PECAM1: variants seen among roughly 807,000 people sequenced by gnomAD.
The protein encoded by PECAM1 is platelet endothelial cell adhesion molecule.
In PECAM1, 8 loss-of-function variants were observed where a neutral mutation model predicts 13.8. The ratio of observed to expected loss-of-function variants is 0.58; its 90% CI spans 0.34 to 1.05. The LOEUF (loss-of-function observed/expected upper bound fraction) is 1.05. Ranked by LOEUF, PECAM1 falls within the 50% of genes least tolerant of loss-of-function variation. PECAM1 has a pLI of 0.03. For synonymous variants in PECAM1, 136 were observed against 52.6 expected (o/e 2.58, Z -6.86); for missense variants, 304 against 141.2 (o/e 2.15, Z -5.84).
At chr17:64,368,253 T>C (rs2036156981) in intron 5 of PECAM1, among the ~76,000 whole-genome samples, 1 of 152,182 alleles carries the variant, frequency 6.6e-6, no homozygotes, top group South Asian at 2.1e-4. Context: ...AATGTTCCTG[T>C]TCTCAGCGGC....
chr17:64,337,696 G>C (rs2035317024), intron 14 of PECAM1, among the ~76,000 whole-genome samples: 1 of 152,062 alleles, frequency 6.6e-6, no homozygotes, highest in African/African-American at 2.4e-5. Flanking sequence ...GAGGGGTCAG[G>C]TTCCAACAGC....
intron 15 of PECAM1, 48 bp from the exon 16 acceptor site, chr17:64,323,893 T>G: frequency 3.8e-6 from 3 of 790,294 alleles, no homozygotes; most frequent in Non-Finnish European, 7.0e-6. Context: ...CTCTCAAGAT[T>G]GAAGATTGCC....
Position 64,323,693 on chromosome 17 carries a change from G to T in PECAM1, c.*123C>A. On this transcript the variant is annotated 3_prime_UTR_variant, in exon 16 of 16. Transcript: ENST00000563924. ...AACCGGCAGCTTAGCCTGAGGAATT[G>T]CTGTGTTCTGTGGGAGCAGGGCAGG... The T allele has an allele frequency of 6.5e-7, 1 of 1,548,156 alleles. No individual in the cohort carries two copies. The highest frequency in any genetic ancestry group is 8.7e-7 in the Non-Finnish European group (1 of 1,144,822).
At chr17:64,382,703 C>A (rs1195667704) in intron 2 of PECAM1, among the ~76,000 whole-genome samples, 3 of 151,594 alleles carry the variant, frequency 2.0e-5, no homozygotes, top group Admixed American at 2.0e-4. Flanking sequence ...GCTGTGTCTC[C>A]ACTACATGTT....
In PECAM1 at chr17:64,321,359, G is replaced by T; in HGVS notation, c.*2457C>A. On this transcript the variant is annotated 3_prime_UTR_variant, in exon 16 of 16. Coordinates refer to ENST00000563924, the MANE Select transcript of PECAM1 (RefSeq NM_000442.5). ...GAGGAAGGCTAAAGCCAGCGTCCTG[G>T]ATTCAGACAGACCTTTTAGCCATTA... 1.1e-6 allele frequency: 1 copy of T among 899,862 alleles called. No individual in the cohort carries two copies. The highest frequency in any genetic ancestry group is 5.1e-5 in the South Asian group (1 of 19,694). The allele number at this position is 899,862 out of a possible 1,614,324, so 55.7% of individuals were successfully genotyped here. A position where few individuals can be genotyped will look rare whatever the true frequency, so the allele number is the denominator to read the frequency against.
At position 64,385,138 on chromosome 17, in the gene PECAM1, T is replaced by G. The variant is rs1232296713; in HGVS notation, c.91+5351A>C. ...TACTGAACCCAAAAAGTTTCAGGAC[T>G]ATTGTGATGAAGGGTGGGGCTGTGG... On this transcript the variant is annotated intron_variant, in intron 2 of 15. Transcript: ENST00000563924. Among the ~76,000 whole-genome samples the G allele has an allele frequency of 7.2e-5, 11 of 152,310 alleles. No individual in the cohort carries two copies. In the East Asian group the frequency reaches 1.7e-3, roughly 24 times the overall value.
rs782728610 is a variant in PECAM1, at chr17:64,322,814, C to T, written c.*1002G>A. Reference sequence around the variant, plus strand: ...CACTACAACCTCCGTTTCCTGGGTTCAAGCGATAATCTCACCTCAGCCTCT... The same window carrying T: ...CACTACAACCTCCGTTTCCTGGGTTTAAGCGATAATCTCACCTCAGCCTCT... On this transcript the variant is annotated 3_prime_UTR_variant, in exon 16 of 16. Coordinates refer to ENST00000563924, the MANE Select transcript of PECAM1 (RefSeq NM_000442.5). 3.1e-5 allele frequency: 15 copies of T among 487,388 alleles called. No homozygotes were observed. The highest frequency in any genetic ancestry group is 3.5e-5 in the Non-Finnish European group (13 of 375,006). 30.2% of individuals were successfully genotyped at this position (487,388 alleles called of 1,614,324 possible). A position where few individuals can be genotyped will look rare whatever the true frequency, so the allele number is the denominator to read the frequency against.
At chr17:64,357,606 C>T (rs8076523) in intron 7 of PECAM1, among the ~76,000 whole-genome samples, 2,375 of 152,268 alleles carry the variant, frequency 0.016, 59 homozygotes, top group African/African-American at 0.053. Context: ...AGCCAAGCTC[C>T]GGGCCTGGGA....
At chr17:64,353,849 G>A (rs2035787373) in intron 9 of PECAM1, among the ~76,000 whole-genome samples, 1 of 151,756 alleles carries the variant, frequency 6.6e-6, no homozygotes, top group Non-Finnish European at 1.5e-5. Flanking sequence ...AGCCAGAAGT[G>A]ATTTTTGTTA....
chr17:64,335,899 T>C (rs1359575409), intron 14 of PECAM1, among the ~76,000 whole-genome samples: 2 of 152,112 alleles, frequency 1.3e-5, no homozygotes, highest in Non-Finnish European at 2.9e-5. Flanking sequence ...TGGAATAATA[T>C]CCAGAGGAAA....
chr17:64,341,566 C>T (rs2035431443), intron 14 of PECAM1, 68 bp downstream of exon 14: 4 of 416,734 alleles, frequency 9.6e-6, no homozygotes, highest in South Asian at 1.2e-4. Flanking sequence ...TCTCTGCCCA[C>T]TCCCAAGGCC....
chr17:64,341,590 TA>T (rs1388188236), intron 14 of PECAM1, 43 bp downstream of exon 14: 2 of 429,120 alleles, frequency 4.7e-6, no homozygotes, highest in Non-Finnish European at 8.5e-6. Flanking sequence ...TCAGTGATTC[TA>T]GGGGGCATCC....
chr17:64,347,874 G>GCA (rs2035618726), intron 13 of PECAM1, among the ~76,000 whole-genome samples: 1 of 151,306 alleles, frequency 6.6e-6, no homozygotes, highest in Non-Finnish European at 1.5e-5. Context: ...GGGATTACAG[G>GCA]TGTGCGCCAC....
At chr17:64,328,318 C>T (rs1285256080) in intron 15 of PECAM1, among the ~76,000 whole-genome samples, 1 of 152,240 alleles carries the variant, frequency 6.6e-6, no homozygotes, top group Non-Finnish European at 1.5e-5. Context: ...TCCACTCTCT[C>T]AAAGCCATTA....
intron 14 of PECAM1, among the ~76,000 whole-genome samples, chr17:64,341,020 C>T (rs1378108698): frequency 6.7e-6 from 1 of 149,912 alleles, no homozygotes; most frequent in Non-Finnish European, 1.5e-5. Flanking sequence ...TCGCTTGAAC[C>T]GGGAGGCGGA....
At chr17:64,375,423 G>C (rs1164667093) in intron 3 of PECAM1, 67 bp from the exon 4 acceptor site, 16 of 406,408 alleles carry the variant, frequency 3.9e-5, no homozygotes, top group Non-Finnish European at 5.2e-5. Context: ...GTATCAGCCT[G>C]ATTGAGAGAC....
At chr17:64,337,921 T>C (rs1367047005) in intron 14 of PECAM1, among the ~76,000 whole-genome samples, 1 of 152,054 alleles carries the variant, frequency 6.6e-6, no homozygotes, top group African/African-American at 2.4e-5. Flanking sequence ...CCTTTTTTTT[T>C]TTTTTTGAGG....
intron 13 of PECAM1, among the ~76,000 whole-genome samples, chr17:64,344,297 C>T (rs1234497988): frequency 2.0e-5 from 3 of 152,018 alleles, no homozygotes; most frequent in Non-Finnish European, 2.9e-5. Flanking sequence ...CCTCTCCTCC[C>T]CACCCACTCC....
intron 13 of PECAM1, among the ~76,000 whole-genome samples, chr17:64,342,107 G>A (rs1359897210): frequency 3.3e-5 from 5 of 149,828 alleles, no homozygotes; most frequent in East Asian, 2.0e-4. Flanking sequence ...CCAAGATTGC[G>A]CCACTGCACT....
Sources: gnomAD v4.1 joint callset for allele counts (sites outside exome capture counted in the v4.1 genomes callset) on GRCh38, gnomAD v4.1.1 for gene constraint, MANE v1.5 for transcripts, NCBI Gene and HGNC (gene_info 2026-07-23, HGNC 2026-07-21) for gene names.